The following CACNA2D3 variants were observed in gnomAD, a reference collection of about 807,000 sequenced individuals.
CACNA2D3 encodes calcium voltage-gated channel auxiliary subunit alpha2delta 3.
CACNA2D3 carries 60 observed loss-of-function variants against 160.6 expected under a neutral mutation model. That is an observed-to-expected ratio of 0.37 (90% CI 0.30 to 0.46). CACNA2D3 has a LOEUF of 0.46. Among genes scored for constraint, CACNA2D3 ranks in the 20% least tolerant of loss-of-function variants. The probability of loss-of-function intolerance (pLI) is 1.00; values close to 1 mark genes in which losing one functional copy is unlikely to be tolerated. For missense variants in CACNA2D3, 1,205 were observed against 1,365.0 expected (o/e 0.88, Z 1.85); for synonymous variants, 558 against 492.9 (o/e 1.13, Z -1.75).
At position 54,233,559 on chromosome 3, in the gene CACNA2D3, A is replaced by G. The variant is rs76448784; in HGVS notation, c.205-86883A>G. Among the ~76,000 whole-genome samples the G allele has an allele frequency of 5.3e-5, 8 of 152,356 alleles. No homozygotes were observed. The East Asian group carries it at 1.3e-3, about 26-fold the overall frequency. On this transcript the variant is annotated intron_variant, in intron 2 of 37. Coordinates refer to ENST00000474759, the MANE Select transcript of CACNA2D3 (RefSeq NM_018398.3). ...TTCCACACCATTGGAAACACATCCA[A>G]TGACATAGCACTGGTGAAGTGGCAC...
chr3:54,924,735 C>G lies in CACNA2D3; in HGVS notation c.2449+24867C>G, dbSNP rs201096330. On this transcript the variant is annotated intron_variant, in intron 27 of 37. Transcript: ENST00000474759. ...ACTGGGCATGGATTCCAGGAGCGCT[C>G]GATCAAGCTGCTGAAGCTGGTTTTG... The G allele has an allele frequency of 2.4e-5, 39 of 1,614,092 alleles. No individual in the cohort carries two copies. In the East Asian group the frequency reaches 8.0e-4, roughly 33 times the overall value.
intron 14 of CACNA2D3, among the ~76,000 whole-genome samples, chr3:54,822,787 T>TTTCTTTCTTTCTTTCC (rs1553874250): frequency 5.7e-5 from 4 of 70,646 alleles, no homozygotes; most frequent in Non-Finnish European, 8.4e-5. Flanking sequence ...TCTTTCTTTC[T>TTTCTTTCTTTCTTTCC]TTCCTTTCTT....
At chr3:54,182,756 T>G (rs996196702) in intron 2 of CACNA2D3, among the ~76,000 whole-genome samples, 2 of 152,142 alleles carry the variant, frequency 1.3e-5, no homozygotes, top group African/African-American at 2.4e-5. Context: ...TCTGTGGGTT[T>G]CCACTGGGAT....
intron 11 of CACNA2D3, among the ~76,000 whole-genome samples, chr3:54,742,667 A>G (rs555543271): frequency 6.6e-6 from 1 of 152,254 alleles, no homozygotes; most frequent in East Asian, 1.9e-4. Context: ...AATAGCAACC[A>G]TCACATTGCT....
chr3:54,899,764 T>C (rs1208917152), intron 26 of CACNA2D3, 24 bp from the exon 27 acceptor site: 5 of 1,521,320 alleles, frequency 3.3e-6, no homozygotes, highest in Non-Finnish European at 3.6e-6. Context: ...TTCATTTTTG[T>C]TGTGGTGTTT....
At chr3:54,372,597 TA>T (rs946019025) in intron 3 of CACNA2D3, among the ~76,000 whole-genome samples, 6 of 151,968 alleles carry the variant, frequency 3.9e-5, no homozygotes, top group East Asian at 1.9e-4. Context: ...GTCTTTTCTT[TA>T]AAAAAAAATC....
At chr3:54,223,541 A>G (rs1019832055) in intron 2 of CACNA2D3, among the ~76,000 whole-genome samples, 6 of 152,116 alleles carry the variant, frequency 3.9e-5, no homozygotes, top group Non-Finnish European at 7.4e-5. Context: ...AGACTTTATA[A>G]ATACTGTACA....
chr3:54,542,832 A>C (rs1456306508), intron 5 of CACNA2D3, among the ~76,000 whole-genome samples: 2 of 152,226 alleles, frequency 1.3e-5, no homozygotes, highest in Non-Finnish European at 2.9e-5. Flanking sequence ...TGCATCCTTC[A>C]GTCCAATCAA....
chr3:54,796,223 T>A (rs2106659360), intron 13 of CACNA2D3, among the ~76,000 whole-genome samples: 1 of 152,286 alleles, frequency 6.6e-6, no homozygotes, highest in Non-Finnish European at 1.5e-5. Context: ...CTATTTGACT[T>A]GATTATACTA....
chr3:54,291,084 A>G (rs1207903155), intron 2 of CACNA2D3, among the ~76,000 whole-genome samples: 2 of 152,364 alleles, frequency 1.3e-5, no homozygotes, highest in East Asian at 1.9e-4. Context: ...ATGTACCTAC[A>G]TACACAGGAT....
chr3:54,963,683 C>A (rs770852545), intron 27 of CACNA2D3, among the ~76,000 whole-genome samples: 1 of 152,126 alleles, frequency 6.6e-6, no homozygotes, highest in Non-Finnish European at 1.5e-5. Context: ...GCCCTGCATT[C>A]GTTTCTGTCA....
chr3:54,463,885 T>TC (rs1559488460), intron 4 of CACNA2D3, among the ~76,000 whole-genome samples: 1 of 152,184 alleles, frequency 6.6e-6, no homozygotes, highest in East Asian at 1.9e-4. Flanking sequence ...CTCTGTTTTT[T>TC]CCCCATCTTT....
chr3:54,673,386 C>T (rs1215819988), intron 11 of CACNA2D3, among the ~76,000 whole-genome samples: 1 of 152,134 alleles, frequency 6.6e-6, no homozygotes, highest in Non-Finnish European at 1.5e-5. Context: ...TTGAAAATTC[C>T]AAGAGGAGAA....
intron 35 of CACNA2D3, among the ~76,000 whole-genome samples, chr3:55,020,785 AG>A (rs1703430617): frequency 6.6e-6 from 1 of 151,730 alleles, no homozygotes; most frequent in African/African-American, 2.4e-5. Context: ...CAGGAGGTGG[AG>A]GTTGCAGTGA....
At chr3:54,174,747 G>A (rs1186990530) in intron 2 of CACNA2D3, among the ~76,000 whole-genome samples, 7 of 152,120 alleles carry the variant, frequency 4.6e-5, no homozygotes, top group African/African-American at 1.7e-4. Flanking sequence ...GGATGGTTTC[G>A]ATCTCCTGAC....
intron 9 of CACNA2D3, chr3:54,626,328 G>A (rs1421103860): frequency 4.5e-6 from 7 of 1,553,348 alleles, no homozygotes; most frequent in Non-Finnish European, 6.1e-6. Flanking sequence ...TGTACAGTGC[G>A]CGCCAGCAGC....
At chr3:54,717,652 G>T (rs1048264756) in intron 11 of CACNA2D3, among the ~76,000 whole-genome samples, 2 of 139,264 alleles carry the variant, frequency 1.4e-5, no homozygotes, top group African/African-American at 5.4e-5. Flanking sequence ...TGCGTGTCTG[G>T]TGCGTGTGTA....
intron 2 of CACNA2D3, among the ~76,000 whole-genome samples, chr3:54,220,902 T>C (rs1701555708): frequency 6.6e-6 from 1 of 152,176 alleles, no homozygotes; most frequent in Non-Finnish European, 1.5e-5. Context: ...CTTCCTGCCT[T>C]TCCTGCTGCT....
chr3:54,134,152 C>A (rs911085107), intron 2 of CACNA2D3, among the ~76,000 whole-genome samples: 3 of 152,178 alleles, frequency 2.0e-5, no homozygotes, highest in African/African-American at 4.8e-5. Context: ...AAAGCCACAG[C>A]CCTGGACTCA....
Sources: gnomAD v4.1 joint callset for allele counts (sites outside exome capture counted in the v4.1 genomes callset) on GRCh38, gnomAD v4.1.1 for gene constraint, MANE v1.5 for transcripts, NCBI Gene and HGNC (gene_info 2026-07-23, HGNC 2026-07-21) for gene names.